The following SLC30A8 variants were observed in gnomAD, a reference collection of about 807,000 sequenced individuals.
The protein encoded by SLC30A8 is solute carrier family 30 member 8.
SLC30A8 carries 27 observed loss-of-function variants against 36.9 expected under a neutral mutation model. That is an observed-to-expected ratio of 0.73 (90% CI 0.54 to 1.01). The LOEUF (loss-of-function observed/expected upper bound fraction) is 1.01, where lower values mean the gene tolerates loss of function less well. Ranked by LOEUF, SLC30A8 falls within the 50% of genes least tolerant of loss-of-function variation. SLC30A8 has a pLI of 0.00. For synonymous variants in SLC30A8, 164 were observed against 172.4 expected (o/e 0.95, Z 0.38); for missense variants, 439 against 452.0 (o/e 0.97, Z 0.26).
At chr8:117,006,921 T>C (rs1816191573) in intron 1 of SLC30A8, 1 of 148,488 alleles carries the variant, frequency 6.7e-6, no homozygotes. Context: ...TAGCTGGGAT[T>C]ACAGGCACCT....
Position 117,147,006 on chromosome 8 carries a change from C to T in SLC30A8, c.124C>T (p.Pro42Ser), listed in dbSNP as rs780519971. Residue 42 changes from proline to serine, a missense_variant, in exon 2 of 8, where the codon CCA becomes TCA. Physicochemically the swap from Pro to Ser is moderately conservative, Grantham distance 74. Transcript: ENST00000456015. ...VNKDQCPRER[P>S]EELESGGMYH... is the part of the protein sequence containing the mutation. ...TAAAGATCAGTGTCCCAGAGAGAGA[C>T]CAGAGGAGCTGGAGTCAGGAGGCAT... 9 of 1,613,830 alleles carry T rather than the reference C, an allele frequency of 5.6e-6. No homozygotes were observed. The highest frequency in any genetic ancestry group is 5.3e-5 in the African/African-American group (4 of 74,884).
chr8:117,157,842 T>G lies in SLC30A8; in HGVS notation c.570T>G (p.Ile190Met), dbSNP rs1197543058. The change falls in exon 4 of 8, where the codon ATT (isoleucine) becomes ATG (methionine). Residue 190 changes from isoleucine (I) to methionine (M), a missense_variant and splice_region_variant. By Grantham distance (10) the Ile-to-Met change is conservative. Transcript: ENST00000456015. ...CCAGCTGCGCAGTGGCGGCCAACAT[T>G]GTGTAAGTCATCCCCTGGTCCCCAC... is the stretch of plus-strand genomic sequence containing the variant. ...IVSSCAVAAN[I>M]VLTVVLHQRC... 5 of 1,613,892 alleles carry G rather than the reference T, an allele frequency of 3.1e-6. No individual in the cohort carries two copies. The highest frequency in any genetic ancestry group is 1.3e-5 in the African/African-American group (1 of 74,896).
chr8:117,012,627 G>A (rs909535750), intron 1 of SLC30A8, among the ~76,000 whole-genome samples: 2 of 151,232 alleles, frequency 1.3e-5, no homozygotes, highest in Non-Finnish European at 3.0e-5. Context: ...TGGAGTTCCT[G>A]GAGCCAATCC....
chr8:117,041,486 G>A (rs954469933), intron 2 of SLC30A8, among the ~76,000 whole-genome samples: 3 of 152,082 alleles, frequency 2.0e-5, no homozygotes, highest in African/African-American at 4.8e-5. Context: ...TCAGGAGTTC[G>A]AGACCAGGCT....
intron 4 of SLC30A8, among the ~76,000 whole-genome samples, chr8:117,161,232 T>C (rs1822776410): frequency 6.6e-6 from 1 of 152,244 alleles, no homozygotes; most frequent in South Asian, 2.1e-4. Context: ...AAATTTAAAA[T>C]TCTTTTGAAA....
chr8:117,003,576 G>C (rs1338068872), intron 1 of SLC30A8, among the ~76,000 whole-genome samples: 1 of 152,204 alleles, frequency 6.6e-6, no homozygotes, highest in Admixed American at 6.5e-5. Flanking sequence ...AAATTCTGCT[G>C]CCGTTCTTTT....
At chr8:116,953,962 G>A (rs964676036) in intron 1 of SLC30A8, among the ~76,000 whole-genome samples, 1 of 152,170 alleles carries the variant, frequency 6.6e-6, no homozygotes, top group Non-Finnish European at 1.5e-5. Context: ...AATCTGAGGG[G>A]AGTTGGATTA....
chr8:117,161,603 A>T, intron 4 of SLC30A8, 135 bp from the exon 5 acceptor site: 1 of 808,996 alleles, frequency 1.2e-6, no homozygotes. Flanking sequence ...AGTCAAAGAT[A>T]GTTCTTTTTA....
At chr8:117,038,158 G>A (rs1817274036) in intron 1 of SLC30A8, among the ~76,000 whole-genome samples, 2 of 152,040 alleles carry the variant, frequency 1.3e-5, no homozygotes, top group South Asian at 4.1e-4. Flanking sequence ...AAACTAATAT[G>A]GATACTCGGT....
chr8:117,051,414 G>T (rs779276464), intron 2 of SLC30A8, among the ~76,000 whole-genome samples: 13 of 152,200 alleles, frequency 8.5e-5, no homozygotes, highest in Non-Finnish European at 1.9e-4. Context: ...GGCCTCATGG[G>T]AGATGCTTGG....
At chr8:116,957,070 C>A (rs1814234423) in intron 1 of SLC30A8, among the ~76,000 whole-genome samples, 1 of 152,022 alleles carries the variant, frequency 6.6e-6, no homozygotes. Context: ...TTAAGAAAGA[C>A]CCTGTCAGGG....
At chr8:116,968,421 T>C (rs1320871195) in intron 1 of SLC30A8, among the ~76,000 whole-genome samples, 1 of 151,168 alleles carries the variant, frequency 6.6e-6, no homozygotes, top group African/African-American at 2.4e-5. Context: ...CTTATTGTAC[T>C]CAATAGCTGT....
At chr8:117,046,353 A>G (rs1159567939) in intron 2 of SLC30A8, among the ~76,000 whole-genome samples, 2 of 152,198 alleles carry the variant, frequency 1.3e-5, no homozygotes, top group African/African-American at 2.4e-5. Context: ...TCACTTCTGC[A>G]TGCGTCTTGT....
chr8:116,998,101 G>A (rs1389863857), intron 1 of SLC30A8, among the ~76,000 whole-genome samples: 1 of 152,200 alleles, frequency 6.6e-6, no homozygotes, highest in African/African-American at 2.4e-5. Flanking sequence ...TAAAAAAGTT[G>A]AAGAGGAAAT....
chr8:117,043,668 C>T (rs1382030100), intron 2 of SLC30A8, among the ~76,000 whole-genome samples: 3 of 152,168 alleles, frequency 2.0e-5, no homozygotes, highest in Admixed American at 2.0e-4. Context: ...AATATTGTGA[C>T]ATGTGCCTGT....
intron 2 of SLC30A8, among the ~76,000 whole-genome samples, chr8:117,048,921 T>C (rs1337418257): frequency 6.6e-6 from 1 of 152,228 alleles, no homozygotes; most frequent in Non-Finnish European, 1.5e-5. Flanking sequence ...AAGAGAAATG[T>C]ATCTTGATTT....
intron 2 of SLC30A8, among the ~76,000 whole-genome samples, chr8:117,069,607 T>G (rs573323007): frequency 6.6e-6 from 1 of 152,382 alleles, no homozygotes; most frequent in Admixed American, 6.5e-5. Flanking sequence ...TTTTGAAGTT[T>G]TGAATCAAGT....
intron 2 of SLC30A8, among the ~76,000 whole-genome samples, chr8:117,083,480 G>C (rs1236692654): frequency 1.3e-5 from 2 of 152,142 alleles, no homozygotes; most frequent in Non-Finnish European, 2.9e-5. Flanking sequence ...TGAGCTCCAG[G>C]ACTCCCTTTT....
At chr8:117,123,069 A>C (rs1164995569) in intron 2 of SLC30A8, among the ~76,000 whole-genome samples, 1 of 151,998 alleles carries the variant, frequency 6.6e-6, no homozygotes, top group Non-Finnish European at 1.5e-5. Flanking sequence ...TATTTGTTGA[A>C]TGAATTAATG....
Sources: allele counts gnomAD v4.1 joint callset (sites outside exome capture counted in the v4.1 genomes callset), GRCh38; gene constraint gnomAD v4.1.1; transcripts MANE v1.5; gene names NCBI Gene and HGNC (gene_info 2026-07-23, HGNC 2026-07-21).